The following FAM149A variants were observed in gnomAD, a reference collection of about 807,000 sequenced individuals.
FAM149A encodes the protein protein FAM149A.
In FAM149A, 71 loss-of-function variants were observed where a neutral mutation model predicts 78.2. The observed-to-expected ratio is 0.91, with a 90% CI of 0.75 to 1.11. The LOEUF is 1.11. Ranked by LOEUF, FAM149A falls within the 50% of genes least tolerant of loss-of-function variation. FAM149A has a pLI of 0.00. For missense variants in FAM149A, 1,036 were observed against 971.0 expected, an observed-to-expected ratio of 1.07 and a Z score of -0.89; for synonymous variants, 446 against 410.5, an observed-to-expected ratio of 1.09 and a Z score of -1.04.
chr4:186,162,344 A>G (rs1330519878), intron 8 of FAM149A, among the ~76,000 whole-genome samples: 1 of 152,182 alleles, frequency 6.6e-6, no homozygotes, highest in Non-Finnish European at 1.5e-5. Flanking sequence ...AAGCAGGACA[A>G]TGAGGAGCCA....
intron 9 of FAM149A, 115 bp from the exon 10 acceptor site, chr4:186,163,309 G>C: frequency 1.3e-6 from 1 of 760,994 alleles, no homozygotes; most frequent in Non-Finnish European, 2.3e-6. Flanking sequence ...CCCGTGCTTA[G>C]GAGTATGTTC....
chr4:186,158,345 G>A (rs377112357), intron 8 of FAM149A: 2 of 1,207,406 alleles, frequency 1.7e-6, no homozygotes, highest in South Asian at 1.5e-5. Flanking sequence ...TCTCCTCTGT[G>A]CTGTGTGGAA....
In FAM149A at chr4:186,157,587, A is replaced by G. The variant is rs1297048241; in HGVS notation, c.1443A>G (p.Thr481=). The G allele has an allele frequency of 1.2e-6, 2 of 1,614,212 alleles. No homozygotes were observed. Among genetic ancestry groups the G allele is most frequent in the Non-Finnish European group, 1.7e-6 (2 of 1,179,984 alleles). Residue 481 remains threonine (T), a synonymous_variant, in exon 8 of 14, where the codon ACA becomes ACG. Coordinates refer to ENST00000389354, the MANE Select transcript of FAM149A (RefSeq NM_001367768.3). ...CAGAAGGGAAAAAACAGAGAGAAAC[A>G]TTGAAAGTGGCTGGAAACAGATTTC...
At chr4:186,171,776 A>C in intron 13 of FAM149A, 138 bp from the exon 14 acceptor site, 1 of 617,854 alleles carries the variant, frequency 1.6e-6, no homozygotes, top group Admixed American at 4.3e-5. Flanking sequence ...GCATATGACT[A>C]TTTCCTAATT....
At chr4:186,137,720 C>A (rs1329812358) in intron 1 of FAM149A, among the ~76,000 whole-genome samples, 2 of 152,016 alleles carry the variant, frequency 1.3e-5, no homozygotes, top group Non-Finnish European at 2.9e-5. Flanking sequence ...TTGGTTTACA[C>A]AGGCTATTCC....
Position 186,149,158 on chromosome 4 carries a change from T to C in FAM149A, c.567-15T>C, listed in dbSNP as rs764344643. 2.4e-6 allele frequency: 3 copies of C among 1,270,032 alleles called. No homozygotes were observed. The South Asian group carries it at 3.9e-5, about 17-fold the overall frequency. The allele number at this position is 1,270,032 out of a possible 1,614,324, so 78.7% of individuals were successfully genotyped here. ...TTACATTAGGGAGACTCGTCATGTT[T>C]TATTTTATTTCCAGAAGAGGACTGT... On this transcript the variant is annotated splice_polypyrimidine_tract_variant and intron_variant, in intron 1 of 13. Coordinates refer to ENST00000389354, the MANE Select transcript of FAM149A (RefSeq NM_001367768.3).
chr4:186,104,862 G>T lies in FAM149A; in HGVS notation c.-215G>T, dbSNP rs555712467. On this transcript the variant is annotated 5_prime_UTR_variant, in exon 1 of 14. Coordinates refer to ENST00000389354, the MANE Select transcript of FAM149A (RefSeq NM_001367768.3). ...CTGGGACGAGGCGGGGCTGCTCTCC[G>T]CAGCCGGGGCGCTCGGCGGACGGAC... The T allele has an allele frequency of 3.2e-5, 23 of 716,954 alleles. No individual in the cohort carries two copies. The East Asian group carries it at 2.9e-3, about 91-fold the overall frequency. 44.4% of individuals were successfully genotyped at this position (716,954 alleles called of 1,614,324 possible). A position where few individuals can be genotyped will look rare whatever the true frequency, so the allele number is the denominator to read the frequency against.
chr4:186,136,985 TC>T (rs1561396457), intron 1 of FAM149A, among the ~76,000 whole-genome samples: 15 of 126,266 alleles, frequency 1.2e-4, no homozygotes, highest in African/African-American at 4.3e-4. Context: ...TTTCTCTCTC[TC>T]TCTCTCTCTC....
At chr4:186,126,796 G>A (rs2099318513) in intron 1 of FAM149A, 1 of 778,794 alleles carries the variant, frequency 1.3e-6, no homozygotes, top group African/African-American at 1.9e-5. Flanking sequence ...GATTGCGTGA[G>A]CCTGTTCCCC....
intron 13 of FAM149A, among the ~76,000 whole-genome samples, chr4:186,168,376 G>A (rs937038425): frequency 6.6e-6 from 1 of 152,138 alleles, no homozygotes; most frequent in African/African-American, 2.4e-5. Context: ...TTTATTTTGA[G>A]ATGAAGTCTC....
chr4:186,123,367 G>T (rs192440669), intron 1 of FAM149A: 263 of 985,372 alleles, frequency 2.7e-4, no homozygotes, highest in Non-Finnish European at 3.1e-4. Flanking sequence ...GTGAATTTTC[G>T]TCTCATGGAC....
intron 1 of FAM149A, among the ~76,000 whole-genome samples, chr4:186,113,784 T>C (rs559342132): frequency 6.6e-6 from 1 of 151,410 alleles, no homozygotes; most frequent in South Asian, 2.1e-4. Context: ...TCTGTTCTTT[T>C]ACATTTGCTG....
intron 1 of FAM149A, among the ~76,000 whole-genome samples, chr4:186,135,199 A>G (rs573700087): frequency 1.3e-5 from 2 of 152,328 alleles, no homozygotes; most frequent in East Asian, 3.9e-4. Flanking sequence ...CAGTGCAGAC[A>G]TAAGACAGCG....
chr4:186,165,816 G>T (rs1734984955), intron 11 of FAM149A, among the ~76,000 whole-genome samples: 1 of 152,170 alleles, frequency 6.6e-6, no homozygotes, highest in African/African-American at 2.4e-5. Context: ...TCTCTTCTAT[G>T]ACTTGGTGCA....
intron 9 of FAM149A, among the ~76,000 whole-genome samples, chr4:186,163,181 T>C (rs1482994816): frequency 6.6e-6 from 1 of 152,210 alleles, no homozygotes; most frequent in Non-Finnish European, 1.5e-5. Context: ...AGTCCTGAAA[T>C]TCTTAATCTT....
At chr4:186,169,871 G>T (rs532428304) in intron 13 of FAM149A, 1 of 985,438 alleles carries the variant, frequency 1.0e-6, no homozygotes, top group East Asian at 1.1e-4. Context: ...CAAGACAAAA[G>T]AGCTATTAGA....
chr4:186,139,710 C>CT (rs2099325005), intron 1 of FAM149A, among the ~76,000 whole-genome samples: 1 of 152,144 alleles, frequency 6.6e-6, no homozygotes, highest in South Asian at 2.1e-4. Flanking sequence ...CCCAGATGGA[C>CT]TAGGACAGTG....
intron 1 of FAM149A, among the ~76,000 whole-genome samples, chr4:186,115,349 C>T (rs2099313058): frequency 1.4e-5 from 2 of 147,324 alleles, no homozygotes; most frequent in African/African-American, 2.5e-5. Context: ...AATGTCCTCC[C>T]GTAGCTCAGA....
intron 1 of FAM149A, among the ~76,000 whole-genome samples, chr4:186,129,213 A>T (rs988340604): frequency 6.6e-6 from 1 of 151,244 alleles, no homozygotes; most frequent in Non-Finnish European, 1.5e-5. Flanking sequence ...GTGTGTGTCT[A>T]TGTGTGTGTG....
Sources: allele counts gnomAD v4.1 joint callset (sites outside exome capture counted in the v4.1 genomes callset), GRCh38; gene constraint gnomAD v4.1.1; transcripts MANE v1.5; gene names NCBI Gene and HGNC (gene_info 2026-07-23, HGNC 2026-07-21).